Variants in CACNA1C observed in about 807,000 individuals in gnomAD.
The protein encoded by CACNA1C is calcium voltage-gated channel subunit alpha1 C, also known as voltage-dependent L-type calcium channel subunit alpha-1C.
CACNA1C carries 30 observed loss-of-function variants against 229.0 expected under a neutral mutation model. The observed-to-expected ratio is 0.13, with a 90% CI of 0.10 to 0.18. The LOEUF (loss-of-function observed/expected upper bound fraction) is 0.18. CACNA1C is among the 10% of genes least tolerant of loss of function. The probability of loss-of-function intolerance (pLI) is 1.00; values close to 1 mark genes in which losing one functional copy is unlikely to be tolerated. For missense variants in CACNA1C, 1,658 were observed against 2,845.0 expected (o/e 0.58, Z 9.49); for synonymous variants, 1,114 against 1,132.5 (o/e 0.98, Z 0.33).
intron 3 of CACNA1C, among the ~76,000 whole-genome samples, chr12:2,295,014 G>A (rs1015043619): frequency 3.3e-5 from 5 of 152,258 alleles, no homozygotes; most frequent in East Asian, 1.9e-4. Flanking sequence ...GCCCTCCTTC[G>A]TCTTCCCTCT....
intron 3 of CACNA1C, among the ~76,000 whole-genome samples, chr12:2,248,674 G>T (rs1043809307): frequency 6.6e-6 from 1 of 152,226 alleles, no homozygotes; most frequent in African/African-American, 2.4e-5. Context: ...ATAAACTCTC[G>T]AAGAGAACAG....
chr12:2,593,052 G>A (rs540813189), intron 18 of CACNA1C, among the ~76,000 whole-genome samples, 161 bp from the exon 19 acceptor site: 1 of 152,294 alleles, frequency 6.6e-6, no homozygotes, highest in African/African-American at 2.4e-5. Flanking sequence ...CAGCAGAGAT[G>A]AGCTGCAGCA....
intron 2 of CACNA1C, among the ~76,000 whole-genome samples, chr12:2,119,847 A>G (rs1461213577): frequency 6.6e-6 from 1 of 152,280 alleles, no homozygotes; most frequent in East Asian, 1.9e-4. Context: ...GATTAAAAAT[A>G]AAATCTCCAA....
At chr12:2,455,798 C>T (rs2099414229) in intron 4 of CACNA1C, among the ~76,000 whole-genome samples, 1 of 152,160 alleles carries the variant, frequency 6.6e-6, no homozygotes, top group Admixed American at 6.5e-5. Flanking sequence ...CTTCATGGGG[C>T]GCCGTTCTCT....
chr12:2,622,142 G>A (rs927095843), intron 29 of CACNA1C, among the ~76,000 whole-genome samples: 3 of 152,210 alleles, frequency 2.0e-5, no homozygotes, highest in Non-Finnish European at 4.4e-5. Context: ...GAGTAGGGAT[G>A]AGTTAAGCCA....
chr12:2,463,590 G>C (rs1033147365), intron 5 of CACNA1C, among the ~76,000 whole-genome samples: 1 of 152,224 alleles, frequency 6.6e-6, no homozygotes, highest in African/African-American at 2.4e-5. Context: ...AGAATCAGGA[G>C]AGCCTTCTTG....
In CACNA1C at chr12:2,602,448, G is replaced by A. The variant is rs1204282735; in HGVS notation, c.2960+488G>A. On this transcript the variant is annotated intron_variant, in intron 22 of 46. Transcript: ENST00000399655. The surrounding 1 kb of genome is among the most constrained non-coding windows in gnomAD (Gnocchi z 4.4). ...GTAAGTGTGGGGTGTATGTGTGCAC[G>A]TGTGTGGATGTGTGGGGTGTGTGTA... Among the ~76,000 whole-genome samples, 3 of 152,028 alleles carry A rather than the reference G, an allele frequency of 2.0e-5. No individual in the cohort carries two copies. Among genetic ancestry groups the A allele is most frequent in the African/African-American group, 7.2e-5 (3 of 41,390 alleles).
At chr12:1,994,896 G>T in intron 1 of CACNA1C, among the ~76,000 whole-genome samples, 1 of 151,376 alleles carries the variant, frequency 6.6e-6, no homozygotes, top group East Asian at 1.9e-4. Context: ...TCCATTCCCT[G>T]TAACAAGCCT....
At chr12:2,515,804 G>C (rs905631404) in intron 9 of CACNA1C, among the ~76,000 whole-genome samples, 1 of 152,188 alleles carries the variant, frequency 6.6e-6, no homozygotes, top group South Asian at 2.1e-4. Flanking sequence ...GAAAGAAAGC[G>C]TGCAGTTGGG....
chr12:2,078,695 A>G (rs1202661864), intron 1 of CACNA1C, among the ~76,000 whole-genome samples: 2 of 152,196 alleles, frequency 1.3e-5, no homozygotes, highest in Admixed American at 1.3e-4. Context: ...TACACCTAAA[A>G]ACGCTTATCG....
chr12:1,986,877 G>A (rs2037940634), intron 1 of CACNA1C, among the ~76,000 whole-genome samples: 1 of 152,154 alleles, frequency 6.6e-6, no homozygotes, highest in Non-Finnish European at 1.5e-5. Flanking sequence ...TGTAAACAGT[G>A]GGAGAGATAT....
At chr12:2,617,415 G>A (rs1372833363) in intron 29 of CACNA1C, among the ~76,000 whole-genome samples, 2 of 152,216 alleles carry the variant, frequency 1.3e-5, no homozygotes, top group African/African-American at 4.8e-5. Context: ...TCGTCCTAGT[G>A]GCGAGCACCT....
chr12:2,640,805 C>T (rs867250308), intron 30 of CACNA1C, among the ~76,000 whole-genome samples: 4 of 152,226 alleles, frequency 2.6e-5, no homozygotes, highest in East Asian at 3.9e-4. Context: ...ACAAGCAAGC[C>T]GGGCTCCTCT....
At chr12:2,375,632 C>T (rs930045124) in intron 3 of CACNA1C, among the ~76,000 whole-genome samples, 7 of 152,214 alleles carry the variant, frequency 4.6e-5, no homozygotes, top group African/African-American at 1.7e-4. Flanking sequence ...GTGGGTTTTC[C>T]AGGCCGCTGT....
chr12:2,088,381 G>A (rs993139802), intron 1 of CACNA1C, among the ~76,000 whole-genome samples: 1 of 152,182 alleles, frequency 6.6e-6, no homozygotes, highest in Non-Finnish European at 1.5e-5. Flanking sequence ...TAACTCTAGA[G>A]GCCGTGAACA....
At chr12:2,453,171 C>T (rs112108975) in intron 4 of CACNA1C, among the ~76,000 whole-genome samples, 5 of 152,142 alleles carry the variant, frequency 3.3e-5, no homozygotes, top group Admixed American at 6.5e-5. Context: ...GGAGCCAGAA[C>T]GCCAGTCACG....
chr12:2,103,220 A>G (rs1003564074), intron 1 of CACNA1C, among the ~76,000 whole-genome samples: 13 of 152,286 alleles, frequency 8.5e-5, no homozygotes, highest in African/African-American at 3.1e-4. Flanking sequence ...AAGTGTTCCT[A>G]TTTCTCCACA....
rs141805651 is a variant in CACNA1C at position 2,456,191 on chromosome 12, C to T, written c.618-1376C>T. 2.0e-5 allele frequency among the ~76,000 whole-genome samples: 3 copies of T among 152,336 alleles called. No homozygotes were observed. The East Asian group carries it at 5.8e-4, about 29-fold the overall frequency. On this transcript the variant is annotated intron_variant, in intron 4 of 46. Coordinates refer to ENST00000399655, the MANE Select transcript of CACNA1C (RefSeq NM_000719.7). Reference sequence around the variant, plus strand: ...TCTGATTCCCCTCTCTTTCTCACACCTCACATCTAGTCCATCAGCCAGTCC... The same window carrying T: ...TCTGATTCCCCTCTCTTTCTCACACTTCACATCTAGTCCATCAGCCAGTCC...
In CACNA1C at chr12:2,293,041, G is replaced by C. The variant is rs2093668795; in HGVS notation, c.478-155935G>C. 1.3e-5 allele frequency among the ~76,000 whole-genome samples: 2 copies of C among 152,168 alleles called. 1 individual carries two copies. Among genetic ancestry groups the C allele is most frequent in the Middle Eastern group, 6.8e-3 (2 of 294 alleles). ...TATACCTTCCTTGATATATGCCCAG[G>C]CACAAACACTTGTGTGTATTATTTG... On this transcript the variant is annotated intron_variant, in intron 3 of 46. Transcript: ENST00000399655.
Sources: gnomAD v4.1 joint callset for allele counts (sites outside exome capture counted in the v4.1 genomes callset) on GRCh38, gnomAD v4.1.1 for gene constraint, Gnocchi (gnomAD v3.1) non-coding constraint, MANE v1.5 for transcripts, NCBI Gene and HGNC (gene_info 2026-07-23, HGNC 2026-07-21) for gene names.